Variants in SAMD9 observed in about 807,000 individuals in gnomAD.
SAMD9 encodes the protein sterile alpha motif domain containing 9.
In SAMD9, 3 loss-of-function variants were observed where a neutral mutation model predicts 1.5. The ratio of observed to expected loss-of-function variants is 2.05; its 90% CI spans 0.93 to 5.29. SAMD9 has a LOEUF of 5.29. Among genes scored for constraint, SAMD9 ranks in the 30% most tolerant of loss-of-function variants. The probability of loss-of-function intolerance (pLI) is 0.02; values close to 1 mark genes in which losing one functional copy is unlikely to be tolerated. For missense variants in SAMD9, 1,597 were observed against 1,820.8 expected (o/e 0.88, Z 2.24); for synonymous variants, 635 against 631.9 (o/e 1.00, Z -0.07).
intron 1 of SAMD9, among the ~76,000 whole-genome samples, chr7:93,115,618 C>A (rs1791820844): frequency 6.6e-6 from 1 of 152,062 alleles, no homozygotes; most frequent in Admixed American, 6.6e-5. Flanking sequence ...ATTAAAATTT[C>A]ATAAAGGCTT....
rs761757618 is a variant in SAMD9 at position 93,101,362 on chromosome 7, C to T, written c.4736G>A (p.Gly1579Glu). 1.2e-6 allele frequency: 2 copies of T among 1,613,272 alleles called. No individual in the cohort carries two copies. The highest frequency in any genetic ancestry group is 1.7e-6 in the Non-Finnish European group (2 of 1,179,638). ...TTCAATGTCATAAGCAAGTGGGCCT[C>T]CAATGGAAAATCCCAGGTAAAAAGA... ...KVSFYLGFSI[G>E]GPLAYDIEIV The change falls in exon 3 of 3, where the codon GGA becomes GAA. Residue 1579 changes from glycine to glutamate, a missense_variant. Around this residue, in one of 6 missense-constraint regions of SAMD9, gnomAD observed 682 missense variants for 810.0 expected, o/e 0.84. Coordinates refer to ENST00000379958, the MANE Select transcript of SAMD9 (RefSeq NM_017654.4).
chr7:93,102,536 G>A lies in SAMD9; in HGVS notation c.3562C>T (p.Arg1188Trp), dbSNP rs1791551702. Residue 1188 changes from arginine to tryptophan, a missense_variant, in exon 3 of 3, where the codon CGG becomes TGG. Arg to Trp is a moderately radical substitution (Grantham distance 101, BLOSUM62 -3). Transcript: ENST00000379958. ...CCAGCTATATTGTAAGTATCATACCGCCTTTTTGACTTCGGATACAATCTT... is the reference window on the plus strand; with the variant it reads ...CCAGCTATATTGTAAGTATCATACCACCTTTTTGACTTCGGATACAATCTT... ...KERLYPKSKR[R>W]YDTYNIAGYQ... 6.2e-7 allele frequency: 1 copy of A among 1,613,526 alleles called. No homozygotes were observed. The highest frequency in any genetic ancestry group is 8.5e-7 in the Non-Finnish European group (1 of 1,179,606).
chr7:93,109,700 G>C (rs1297497826), intron 2 of SAMD9, among the ~76,000 whole-genome samples: 1 of 152,030 alleles, frequency 6.6e-6, no homozygotes, highest in South Asian at 2.1e-4. Flanking sequence ...TGGAAGAAAG[G>C]GTATCAGTGA....
At position 93,102,022 on chromosome 7, in the gene SAMD9, A is replaced by T; in HGVS notation, c.4076T>A (p.Ile1359Lys). ...EYLIKSQEDA[I>K]STMKCIVNEY... is the part of the protein sequence containing the mutation. ...GTTCACTATACATTTCATAGTGCTT[A>T]TAGCATCCTCTTGACTTTTGATAAG... The change falls in exon 3 of 3, where the codon ATA (isoleucine) becomes AAA (lysine). Residue 1359 changes from isoleucine (I) to lysine (K), a missense_variant. Ile to Lys is a moderately radical substitution (Grantham distance 102, BLOSUM62 -3). Transcript: ENST00000379958. 1 of 1,613,432 alleles carries T rather than the reference A, an allele frequency of 6.2e-7. No individual in the cohort carries two copies. Among genetic ancestry groups the T allele is most frequent in the Non-Finnish European group, 8.5e-7 (1 of 1,179,624 alleles).
Position 93,104,829 on chromosome 7 carries a change from A to T in SAMD9, c.1269T>A (p.Asp423Glu). ...YILVTNKCHPDQTKHLDFLKE... is the reference protein window; with the variant it reads ...YILVTNKCHPEQTKHLDFLKE... ...TCAGGAAATCTAAGTGTTTTGTTTG[A>T]TCTGGGTGGCATTTATTTGTTACAA... The change falls in exon 3 of 3, where the codon GAT becomes GAA. Residue 423 changes from aspartate to glutamate, a missense_variant. Coordinates refer to ENST00000379958, the MANE Select transcript of SAMD9 (RefSeq NM_017654.4). 6.2e-7 allele frequency: 1 copy of T among 1,613,646 alleles called. No individual in the cohort carries two copies. The highest frequency in any genetic ancestry group is 8.5e-7 in the Non-Finnish European group (1 of 1,179,782).
rs1344927431 is a variant in SAMD9, at chr7:93,102,636, A to T, written c.3462T>A (p.Asp1154Glu). 6.2e-7 allele frequency: 1 copy of T among 1,613,838 alleles called. No homozygotes were observed. The highest frequency in any genetic ancestry group is 1.3e-5 in the African/African-American group (1 of 75,016). Reference protein sequence around the residue: ...ISVDDLIALLDLAEHASSAFK... With the variant: ...ISVDDLIALLELAEHASSAFK... ...ATGCACTTGAGGCATGTTCTGCTAA[A>T]TCCAAAAGAGCAATTAGATCATCAA... The change falls in exon 3 of 3, where the codon GAT (aspartate) becomes GAA (glutamate). Residue 1154 changes from aspartate to glutamate, a missense_variant. Physicochemically the swap from Asp to Glu is conservative, Grantham distance 45 (BLOSUM62 2). Around this residue, in one of 6 missense-constraint regions of SAMD9, gnomAD observed 682 missense variants for 810.0 expected, o/e 0.84. Transcript: ENST00000379958.
chr7:93,112,819 A>G (rs1434334932), intron 2 of SAMD9, among the ~76,000 whole-genome samples: 4 of 152,156 alleles, frequency 2.6e-5, no homozygotes, highest in African/African-American at 9.6e-5. Context: ...CAAACAAATG[A>G]GAGAACATTT....
chr7:93,101,036 A>C lies in SAMD9; in HGVS notation c.*292T>G. ...TAGTGGGGTTCTGTGTAGCCAGCTT[A>C]TTACACTAACTTCTCCTGACTCCAG... On this transcript the variant is annotated 3_prime_UTR_variant, in exon 3 of 3. Transcript: ENST00000379958. 1 of 413,644 alleles carries C rather than the reference A, an allele frequency of 2.4e-6. No homozygotes were observed. The highest frequency in any genetic ancestry group is 2.5e-5 in the South Asian group (1 of 39,548). 25.6% of individuals were successfully genotyped at this position (413,644 alleles called of 1,614,324 possible). A position where few individuals can be genotyped will look rare whatever the true frequency, so the allele number is the denominator to read the frequency against.
In SAMD9 at chr7:93,101,119, G is replaced by T. The variant is rs1417350659; in HGVS notation, c.*209C>A. On this transcript the variant is annotated 3_prime_UTR_variant, in exon 3 of 3. Transcript: ENST00000379958. Reference sequence around the variant, plus strand: ...GTTAACCAAACCAAGGAACATATTTGCTACTTTTCATATATCTCACTCCTT... The same window carrying T: ...GTTAACCAAACCAAGGAACATATTTTCTACTTTTCATATATCTCACTCCTT... The T allele has an allele frequency of 1.7e-6, 1 of 582,822 alleles. No individual in the cohort carries two copies. Among genetic ancestry groups the T allele is most frequent in the Non-Finnish European group, 3.0e-6 (1 of 328,076 alleles). The allele number at this position is 582,822 out of a possible 1,614,324, so 36.1% of individuals were successfully genotyped here. A position where few individuals can be genotyped will look rare whatever the true frequency, so the allele number is the denominator to read the frequency against.
chr7:93,116,293 T>C (rs1791831568), intron 1 of SAMD9, among the ~76,000 whole-genome samples: 1 of 152,226 alleles, frequency 6.6e-6, no homozygotes, highest in Non-Finnish European at 1.5e-5. Context: ...TACCATTATA[T>C]GTGAAAACGT....
At position 93,104,125 on chromosome 7, in the gene SAMD9, T is replaced by C. The variant is rs1791587478; in HGVS notation, c.1973A>G (p.Asn658Ser). ...IMTALEIICE[N>S]ECEGTLLEKD... ...CTCTAACAGTGTACCCTCACATTCA[T>C]TTTCACAGATAATTTCCAGAGCAGT... The change falls in exon 3 of 3, where the codon AAT (asparagine) becomes AGT (serine). Residue 658 changes from asparagine (N) to serine (S), a missense_variant. By Grantham distance (46) the Asn-to-Ser change is conservative (BLOSUM62 1). Around this residue, in one of 6 missense-constraint regions of SAMD9, gnomAD observed 358 missense variants for 460.4 expected, o/e 0.78. Coordinates refer to ENST00000379958, the MANE Select transcript of SAMD9 (RefSeq NM_017654.4). 1 of 1,613,806 alleles carries C rather than the reference T, an allele frequency of 6.2e-7. No homozygotes were observed. The highest frequency in any genetic ancestry group is 1.3e-5 in the African/African-American group (1 of 74,928).
rs780325264 is a variant in SAMD9 at position 93,105,771 on chromosome 7, A to G, written c.327T>C (p.Thr109=). Residue 109 remains threonine (T), a synonymous_variant, in exon 3 of 3, where the codon ACT becomes ACC. Transcript: ENST00000379958. ...QTVSQKERRE[T]SKQKQKGKEN... The stretch of plus-strand genomic sequence containing the variant: ...CTTTACCCTTTTGTTTTTGCTTTGA[A>G]GTTTCTCTACGTTCCTTTTGAGACA... 1 of 1,614,022 alleles carries G rather than the reference A, an allele frequency of 6.2e-7. No homozygotes were observed. Among genetic ancestry groups the G allele is most frequent in the Non-Finnish European group, 8.5e-7 (1 of 1,180,004 alleles).
In SAMD9 at chr7:93,101,251, T is replaced by C. The variant is rs932821117; in HGVS notation, c.*77A>G. 6.0e-6 allele frequency: 7 copies of C among 1,162,916 alleles called. No individual in the cohort carries two copies. Among genetic ancestry groups the C allele is most frequent in the Admixed American group, 3.4e-5 (2 of 59,360 alleles). The allele number at this position is 1,162,916 out of a possible 1,614,324, so 72.0% of individuals were successfully genotyped here. ...GAGGCTGTATCTATAACCTTGCCGGTTTAAAGCATAGATCTTGAGTCCAAA... is the reference window on the plus strand; with the variant it reads ...GAGGCTGTATCTATAACCTTGCCGGCTTAAAGCATAGATCTTGAGTCCAAA... On this transcript the variant is annotated 3_prime_UTR_variant, in exon 3 of 3. Coordinates refer to ENST00000379958, the MANE Select transcript of SAMD9 (RefSeq NM_017654.4).
At chr7:93,110,156 C>T (rs1216681628) in intron 2 of SAMD9, among the ~76,000 whole-genome samples, 1 of 152,198 alleles carries the variant, frequency 6.6e-6, no homozygotes, top group African/African-American at 2.4e-5. Context: ...CAATATTAAA[C>T]ATTCTTAAAG....
chr7:93,112,131 G>A (rs1046677498), intron 2 of SAMD9, among the ~76,000 whole-genome samples: 1 of 152,148 alleles, frequency 6.6e-6, no homozygotes, highest in African/African-American at 2.4e-5. Flanking sequence ...TTCATCACTG[G>A]GATGCAAGGC....
intron 2 of SAMD9, among the ~76,000 whole-genome samples, chr7:93,111,903 T>C (rs1791751353): frequency 6.6e-6 from 1 of 152,190 alleles, no homozygotes. Flanking sequence ...GTACCATTCC[T>C]TCTGAAACTA....
At position 93,103,957 on chromosome 7, in the gene SAMD9, A is replaced by C; in HGVS notation, c.2141T>G (p.Leu714Arg). 4 of 1,613,350 alleles carry C rather than the reference A, an allele frequency of 2.5e-6. No homozygotes were observed. Among genetic ancestry groups the C allele is most frequent in the Non-Finnish European group, 3.4e-6 (4 of 1,179,470 alleles). ...PFVKRDKYER[L>R]EAMIQNCADS... ...TGCACAGTTTTGAATCATTGCTTCA[A>C]GTCTTTCATATTTATCCCTTTTGAC... is the stretch of plus-strand genomic sequence containing the variant. Residue 714 changes from leucine (L) to arginine (R), a missense_variant, in exon 3 of 3, where the codon CTT becomes CGT. By Grantham distance (102) the Leu-to-Arg change is moderately radical (BLOSUM62 -2). This residue lies in a region of SAMD9 where 358 missense variants were observed against 460.4 expected (regional missense o/e 0.78). Transcript: ENST00000379958.
Position 93,101,789 on chromosome 7 carries a change from G to A in SAMD9, c.4309C>T (p.Leu1437Phe), listed in dbSNP as rs773595084. 6.2e-7 allele frequency: 1 copy of A among 1,613,784 alleles called. No individual in the cohort carries two copies. Among genetic ancestry groups the A allele is most frequent in the Non-Finnish European group, 8.5e-7 (1 of 1,179,744 alleles). ...TGTTGATTTTCTGGCCAGAATAAGA[G>A]GGAAGCTAGAAAATACGGTTCTGAA... ...QFSEPYFLAS[L>F]LFWPENQQLD... Residue 1437 changes from leucine to phenylalanine, a missense_variant, in exon 3 of 3, where the codon CTC becomes TTC. Leu to Phe is a conservative substitution (Grantham distance 22, BLOSUM62 0). This residue lies in a region of SAMD9 where 682 missense variants were observed against 810.0 expected (regional missense o/e 0.84). Transcript: ENST00000379958.
rs1281452134 is a variant in SAMD9, at chr7:93,103,597, T to C, written c.2501A>G (p.Asn834Ser). Residue 834 changes from asparagine (N) to serine (S), a missense_variant, in exon 3 of 3, where the codon AAT becomes AGT. Physicochemically the swap from Asn to Ser is conservative, Grantham distance 46. Coordinates refer to ENST00000379958, the MANE Select transcript of SAMD9 (RefSeq NM_017654.4). ...RYEKPLVIILNCMRSQNPEKS... is the reference protein window; with the variant it reads ...RYEKPLVIILSCMRSQNPEKS... ...TTCAGGATTTTGTGATCTCATACAA[T>C]TTAGGATAATCACCAGAGGTTTTTC... The C allele has an allele frequency of 6.2e-7, 1 of 1,613,602 alleles. No individual in the cohort carries two copies. The highest frequency in any genetic ancestry group is 1.7e-5 in the Admixed American group (1 of 59,952).
Sources: gnomAD v4.1 joint callset for allele counts (sites outside exome capture counted in the v4.1 genomes callset) on GRCh38, gnomAD v4.1.1 for gene constraint, gnomAD v4.1.1 regional missense constraint, MANE v1.5 for transcripts, NCBI Gene and HGNC (gene_info 2026-07-23, HGNC 2026-07-21) for gene names.